Variants in PCNX2 observed in about 807,000 individuals in gnomAD.
PCNX2 encodes the protein pecanex 2.
A neutral mutation model predicts 223.8 loss-of-function variants in PCNX2; 168 were observed. The ratio of observed to expected loss-of-function variants is 0.75; its 90% confidence interval spans 0.66 to 0.85. The LOEUF (loss-of-function observed/expected upper bound fraction) is 0.85. PCNX2 is among the 40% of genes least tolerant of loss of function. PCNX2 has a pLI of 0.00. For missense variants in PCNX2, 2,507 were observed against 2,675.5 expected (o/e 0.94, Z 1.39); for synonymous variants, 1,006 against 1,052.6 (o/e 0.96, Z 0.86).
intron 21 of PCNX2, among the ~76,000 whole-genome samples, chr1:233,110,625 T>C (rs1226285047): frequency 1.3e-5 from 2 of 152,234 alleles, no homozygotes; most frequent in East Asian, 3.9e-4. Flanking sequence ...AAATCATGTT[T>C]AGAAATTTTT....
At chr1:233,136,180 A>G (rs546207261) in intron 20 of PCNX2, among the ~76,000 whole-genome samples, 2 of 152,330 alleles carry the variant, frequency 1.3e-5, no homozygotes, top group South Asian at 2.1e-4. Flanking sequence ...CAATTCTAAC[A>G]TGCTATGATA....
chr1:233,321,481 A>G, the PCNX2 span, among the ~76,000 whole-genome samples: 1 of 152,180 alleles, frequency 6.6e-6, no homozygotes, highest in African/African-American at 2.4e-5. Context: ...TATTTTTAGT[A>G]GAGATGGGGT....
chr1:233,048,283 C>A (rs942983100), intron 25 of PCNX2, among the ~76,000 whole-genome samples: 5 of 152,056 alleles, frequency 3.3e-5, no homozygotes, highest in African/African-American at 1.2e-4. Context: ...ATGGTGAAAC[C>A]CCATCTCTAC....
intron 26 of PCNX2, among the ~76,000 whole-genome samples, chr1:233,022,805 C>T (rs1412713139): frequency 2.0e-5 from 3 of 148,774 alleles, no homozygotes; most frequent in African/African-American, 2.5e-5. Context: ...TCAAGTGATT[C>T]TCCTGCCTCA....
chr1:233,216,792 C>G (rs1460373965), intron 12 of PCNX2, among the ~76,000 whole-genome samples: 1 of 152,046 alleles, frequency 6.6e-6, no homozygotes, highest in Non-Finnish European at 1.5e-5. Context: ...ATAGCCAAGA[C>G]ATGGTATCAA....
Position 233,000,532 on chromosome 1 carries a change from G to C in PCNX2, c.5101C>G (p.Gln1701Glu). 1 of 1,583,692 alleles carries C rather than the reference G, an allele frequency of 6.3e-7. No homozygotes were observed. Among genetic ancestry groups the C allele is most frequent in the Non-Finnish European group, 8.6e-7 (1 of 1,169,210 alleles). Residue 1701 changes from glutamine to glutamate, a missense_variant, in exon 30 of 34, where the codon CAG becomes GAG. Around this residue, in one of 3 missense-constraint regions of PCNX2, gnomAD observed 1,372 missense variants for 1,509.4 expected, o/e 0.91. Transcript: ENST00000258229. This position sits in a 1 kb window ranked among gnomAD's most constrained non-coding sequence, Gnocchi z 4.6. Reference protein sequence around the residue: ...IRMSLKLHQDQFTCPDEYEDP... With the variant: ...IRMSLKLHQDEFTCPDEYEDP... ...TCATACTCGTCAGGGCAAGTGAACTGGTCCTGGTGGGAAGAAGTGTGGGTG... is the reference window on the plus strand; with the variant it reads ...TCATACTCGTCAGGGCAAGTGAACTCGTCCTGGTGGGAAGAAGTGTGGGTG...
intron 1 of PCNX2, among the ~76,000 whole-genome samples, chr1:233,263,417 C>T (rs141842323): frequency 5.3e-5 from 8 of 151,316 alleles, no homozygotes; most frequent in Non-Finnish European, 1.2e-4. Context: ...GCAGGAACCC[C>T]ACAGAACAAA....
At chr1:233,151,817 G>C (rs980379832) in intron 19 of PCNX2, among the ~76,000 whole-genome samples, 1 of 152,186 alleles carries the variant, frequency 6.6e-6, no homozygotes, top group East Asian at 1.9e-4. Flanking sequence ...TGGGATTATA[G>C]GCACCTGCTA....
intron 19 of PCNX2, among the ~76,000 whole-genome samples, chr1:233,148,613 G>C (rs1490408133): frequency 6.6e-6 from 1 of 151,942 alleles, no homozygotes; most frequent in Non-Finnish European, 1.5e-5. Context: ...TATTGGCCAG[G>C]CTGGCCTTGA....
At position 233,239,635 on chromosome 1, in the gene PCNX2, G is replaced by A. The variant is rs529520574; in HGVS notation, c.2223-2655C>T. Among the ~76,000 whole-genome samples the A allele has an allele frequency of 7.2e-5, 11 of 152,186 alleles. No individual in the cohort carries two copies. The South Asian group carries it at 8.3e-4, about 12-fold the overall frequency. On this transcript the variant is annotated intron_variant, in intron 8 of 33. Coordinates refer to ENST00000258229, the MANE Select transcript of PCNX2 (RefSeq NM_014801.4). ...ATTAAATCAGGAAGATATTTTCCTC[G>A]TAGGTATCATTGTGAAAACTAAACC...
intron 5 of PCNX2, among the ~76,000 whole-genome samples, chr1:233,254,036 C>G (rs1424356024): frequency 6.6e-6 from 1 of 152,152 alleles, no homozygotes; most frequent in Non-Finnish European, 1.5e-5. Context: ...ACACACCATT[C>G]GAAAAGTCTA....
intron 17 of PCNX2, among the ~76,000 whole-genome samples, chr1:233,165,908 A>G (rs1385464326): frequency 6.6e-6 from 1 of 152,192 alleles, no homozygotes; most frequent in Admixed American, 6.5e-5. Flanking sequence ...TAGAATAGCT[A>G]AAACGACTTT....
Position 233,258,237 on chromosome 1 carries a change from C to G in PCNX2, c.1625G>C (p.Ser542Thr). 1.2e-6 allele frequency: 2 copies of G among 1,614,006 alleles called. No homozygotes were observed. Among genetic ancestry groups the G allele is most frequent in the Non-Finnish European group, 1.7e-6 (2 of 1,179,884 alleles). The change falls in exon 5 of 34, where the codon AGT becomes ACT. Residue 542 changes from serine to threonine, a missense_variant. By Grantham distance (58) the Ser-to-Thr change is moderately conservative. Around this residue, in one of 3 missense-constraint regions of PCNX2, gnomAD observed 1,031 missense variants for 1,021.7 expected, o/e 1.01. Coordinates refer to ENST00000258229, the MANE Select transcript of PCNX2 (RefSeq NM_014801.4). ...SVDSGTDVFL[S>T]KSSAEIVNDT... is the part of the protein sequence containing the mutation. Reference sequence around the variant, plus strand: ...GTTAACAATTTCTGCAGAACTTTTACTCAAGAAGACATCTGTCCCACTGTC... The same window carrying G: ...GTTAACAATTTCTGCAGAACTTTTAGTCAAGAAGACATCTGTCCCACTGTC...
rs993650620 is a variant in PCNX2, at chr1:233,160,110, G to A, written c.3517+173C>T. The A allele has an allele frequency of 6.0e-6, 4 of 669,618 alleles. No homozygotes were observed. The East Asian group carries it at 8.3e-5, about 14-fold the overall frequency. The allele number at this position is 669,618 out of a possible 1,614,324, so 41.5% of individuals were successfully genotyped here. A position where few individuals can be genotyped will look rare whatever the true frequency, so the allele number is the denominator to read the frequency against. ...AAATACCATATACTCTAAGGTACAC[G>A]TTCTCCTTTTTTCTTTTTTATTGTG... On this transcript the variant is annotated intron_variant, in intron 19 of 33. Transcript: ENST00000258229.
At chr1:233,218,286 T>C in intron 10 of PCNX2, 102 bp from the exon 11 acceptor site, 1 of 1,091,762 alleles carries the variant, frequency 9.2e-7, no homozygotes, top group South Asian at 1.8e-5. Flanking sequence ...TCTTGCTCTA[T>C]CGCCCAGGCT....
Position 233,126,202 on chromosome 1 carries a change from T to G in PCNX2, c.3837+8811A>C, listed in dbSNP as rs369658057. 2.0e-5 allele frequency: 3 copies of G among 148,160 alleles called. No individual in the cohort carries two copies. Among genetic ancestry groups the G allele is most frequent in the African/African-American group, 5.1e-5 (2 of 39,506 alleles). The allele number at this position is 148,160 out of a possible 1,614,324, so 9.2% of individuals were successfully genotyped here. On this transcript the variant is annotated intron_variant, in intron 21 of 33. Coordinates refer to ENST00000258229, the MANE Select transcript of PCNX2 (RefSeq NM_014801.4). The surrounding 1 kb of genome is among the most constrained non-coding windows in gnomAD (Gnocchi z 4.8). ...TCCAGCCTGGGTGACAGGGCAAGAC[T>G]CCGTCTAAAAAAAAAAAAAATTATC...
At chr1:233,155,548 T>C (rs78524238) in intron 19 of PCNX2, among the ~76,000 whole-genome samples, 1,653 of 152,334 alleles carry the variant, frequency 0.011, 18 homozygotes, top group Middle Eastern at 0.031. Flanking sequence ...ACTTATTCCT[T>C]GTCTCAATCT....
In PCNX2 at chr1:233,109,462, G is replaced by A. The variant is rs535342228; in HGVS notation, c.3838-13599C>T. On this transcript the variant is annotated intron_variant, in intron 21 of 33. Coordinates refer to ENST00000258229, the MANE Select transcript of PCNX2 (RefSeq NM_014801.4). ...ATGAAAGATTGAATGGGTAATCTCCGCAGAGAGATGGAAACTATAAAATAA... is the reference window on the plus strand; with the variant it reads ...ATGAAAGATTGAATGGGTAATCTCCACAGAGAGATGGAAACTATAAAATAA... Among the ~76,000 whole-genome samples the A allele has an allele frequency of 3.8e-4, 58 of 152,300 alleles. 1 individual carries two copies. In the Middle Eastern group the frequency reaches 0.027, roughly 71 times the overall value.
intron 5 of PCNX2, among the ~76,000 whole-genome samples, chr1:233,254,505 G>GT (rs796306262): frequency 3.3e-5 from 5 of 152,042 alleles, no homozygotes; most frequent in South Asian, 2.1e-4. Flanking sequence ...CATATGGACG[G>GT]TTTTTTTCCT....
Sources: gnomAD v4.1 joint callset for allele counts (sites outside exome capture counted in the v4.1 genomes callset) on GRCh38, gnomAD v4.1.1 for gene constraint, gnomAD v4.1.1 regional missense constraint, Gnocchi (gnomAD v3.1) non-coding constraint, MANE v1.5 for transcripts, NCBI Gene and HGNC (gene_info 2026-07-23, HGNC 2026-07-21) for gene names.